Variants in COBL observed in about 807,000 individuals in gnomAD.
COBL encodes cordon-bleu WH2 repeat protein.
In COBL, 51 loss-of-function variants were observed where a neutral mutation model predicts 98.8. The observed-to-expected ratio is 0.52, with a 90% CI of 0.41 to 0.65. The LOEUF (loss-of-function observed/expected upper bound fraction) is 0.65. COBL is among the 30% of genes least tolerant of loss of function. The pLI is 0.00. For missense variants in COBL, 1,617 were observed against 1,617.5 expected (o/e 1.00, Z 0.01); for synonymous variants, 634 against 651.7 (o/e 0.97, Z 0.41).
At chr7:51,217,340 C>CTTTTTTTTT (rs937958755) in intron 2 of COBL, among the ~76,000 whole-genome samples, 4 of 127,728 alleles carry the variant, frequency 3.1e-5, no homozygotes, top group African/African-American at 9.1e-5. Context: ...TTTTCTTTTT[C>CTTTTTTTTT]TTTTTTTTTT....
At chr7:51,129,242 T>G (rs1300860933) in intron 6 of COBL, among the ~76,000 whole-genome samples, 1 of 151,902 alleles carries the variant, frequency 6.6e-6, no homozygotes, top group African/African-American at 2.4e-5. Flanking sequence ...AAGATCATGG[T>G]GTGGACAGAC....
In COBL at chr7:51,136,282, G is replaced by C. The variant is rs780937117; in HGVS notation, c.833C>G (p.Thr278Arg). The change falls in exon 6 of 13, where the codon ACG becomes AGG. Residue 278 changes from threonine to arginine, a missense_variant. By Grantham distance (71) the Thr-to-Arg change is moderately conservative. Around this residue, in one of 3 missense-constraint regions of COBL, gnomAD observed 1,304 missense variants for 1,282.0 expected, o/e 1.02. Transcript: ENST00000265136. ...NSPSMHSRSL[T>R]LGPSLSLGSI... ...GCCCAGCGAGAGGGATGGACCCAGCGTAAGAGAACGTGAGTGCATGGATGG... is the reference window on the plus strand; with the variant it reads ...GCCCAGCGAGAGGGATGGACCCAGCCTAAGAGAACGTGAGTGCATGGATGG... 4 of 1,614,104 alleles carry C rather than the reference G, an allele frequency of 2.5e-6. No individual in the cohort carries two copies. Among genetic ancestry groups the C allele is most frequent in the Non-Finnish European group, 2.5e-6 (3 of 1,180,024 alleles).
intron 1 of COBL, among the ~76,000 whole-genome samples, chr7:51,269,297 TAAG>T (rs1798535159): frequency 6.6e-6 from 1 of 152,184 alleles, no homozygotes; most frequent in African/African-American, 2.4e-5. Flanking sequence ...CCTGGCTGAA[TAAG>T]CCAGGATGCA....
At chr7:51,137,755 C>T (rs1799377331) in intron 5 of COBL, among the ~76,000 whole-genome samples, 1 of 152,126 alleles carries the variant, frequency 6.6e-6, no homozygotes, top group Middle Eastern at 3.2e-3. Flanking sequence ...ATCCCAGCTC[C>T]AAACAGTTCC....
rs777722549 is a variant in COBL, at chr7:51,029,499, G to A, written c.1597C>T (p.His533Tyr). Residue 533 changes from histidine (H) to tyrosine (Y), a missense_variant, in exon 10 of 13, where the codon CAC (histidine) becomes TAC (tyrosine). His to Tyr is a moderately conservative substitution (Grantham distance 83). This residue lies in a region of COBL where 1,304 missense variants were observed against 1,282.0 expected (regional missense o/e 1.02). Transcript: ENST00000265136. Reference protein sequence around the residue: ...NHCPQDAMIPHGDTDAIPVTF... With the variant: ...NHCPQDAMIPYGDTDAIPVTF... ...ACTGGGATTGCATCTGTGTCGCCGTGAGGGATCATGGCATCCTGTGGGCAG... is the reference window on the plus strand; with the variant it reads ...ACTGGGATTGCATCTGTGTCGCCGTAAGGGATCATGGCATCCTGTGGGCAG... 22 of 1,614,020 alleles carry A rather than the reference G, an allele frequency of 1.4e-5. No individual in the cohort carries two copies. The highest frequency in any genetic ancestry group is 2.2e-5 in the East Asian group (1 of 44,892).
At position 51,059,524 on chromosome 7, in the gene COBL, G is replaced by A. The variant is rs550335470; in HGVS notation, c.1097-15832C>T. ...AGAAACTGCAATCTTAAGGCTTTGGGGAACTTTCCCAGGAATGGGAGAGAA... is the reference window on the plus strand; with the variant it reads ...AGAAACTGCAATCTTAAGGCTTTGGAGAACTTTCCCAGGAATGGGAGAGAA... On this transcript the variant is annotated intron_variant, in intron 7 of 12. Coordinates refer to ENST00000265136, the MANE Select transcript of COBL (RefSeq NM_015198.5). 1.1e-4 allele frequency among the ~76,000 whole-genome samples: 17 copies of A among 152,196 alleles called. No homozygotes were observed. In the South Asian group the frequency reaches 3.5e-3, roughly 32 times the overall value.
chr7:51,045,646 A>G (rs1004587903), intron 7 of COBL, among the ~76,000 whole-genome samples: 1 of 152,320 alleles, frequency 6.6e-6, no homozygotes, highest in African/African-American at 2.4e-5. Context: ...GGCCCCTTGG[A>G]GGAGGCCCTC....
chr7:51,106,136 G>GGA (rs1796243806), intron 6 of COBL, among the ~76,000 whole-genome samples: 1 of 149,822 alleles, frequency 6.7e-6, no homozygotes, highest in African/African-American at 2.5e-5. Flanking sequence ...CCAGGGTGGT[G>GGA]GAGGTTGCAG....
chr7:51,107,171 T>C (rs1239349080), intron 6 of COBL, among the ~76,000 whole-genome samples: 3 of 144,624 alleles, frequency 2.1e-5, no homozygotes, highest in African/African-American at 7.6e-5. Flanking sequence ...CTTGGCTCAC[T>C]GCAACCTCCA....
At chr7:51,149,272 T>C (rs958014781) in intron 5 of COBL, among the ~76,000 whole-genome samples, 4 of 152,184 alleles carry the variant, frequency 2.6e-5, no homozygotes, top group Admixed American at 2.6e-4. Flanking sequence ...TCACTTCTCC[T>C]GAAAGGACAG....
At chr7:51,209,207 G>A (rs78030828) in intron 2 of COBL, among the ~76,000 whole-genome samples, 4,732 of 152,148 alleles carry the variant, frequency 0.031, 212 homozygotes, top group South Asian at 0.15. Flanking sequence ...AATCCCTAAA[G>A]TGCCCTCTTT....
intron 1 of COBL, among the ~76,000 whole-genome samples, chr7:51,249,547 A>C (rs1279784344): frequency 6.6e-6 from 1 of 152,214 alleles, no homozygotes; most frequent in African/African-American, 2.4e-5. Context: ...TATTAACATA[A>C]TAAATTTTGT....
chr7:51,024,350 T>C (rs1331305565), intron 12 of COBL, among the ~76,000 whole-genome samples: 1 of 151,974 alleles, frequency 6.6e-6, no homozygotes, highest in African/African-American at 2.4e-5. Context: ...TAAAATAAAA[T>C]AAAATCTTTT....
intron 1 of COBL, among the ~76,000 whole-genome samples, chr7:51,248,492 C>T (rs1339884698): frequency 2.0e-5 from 3 of 152,136 alleles, no homozygotes; most frequent in Non-Finnish European, 4.4e-5. Flanking sequence ...TGTTATTCAA[C>T]CTCACATTCA....
intron 1 of COBL, among the ~76,000 whole-genome samples, chr7:51,298,985 T>A (rs1443058324): frequency 6.6e-6 from 1 of 152,168 alleles, no homozygotes; most frequent in Non-Finnish European, 1.5e-5. Context: ...CAATCAATCT[T>A]CATGGAGTCA....
intron 7 of COBL, among the ~76,000 whole-genome samples, chr7:51,080,370 C>T (rs1263614446): frequency 6.6e-6 from 1 of 152,204 alleles, no homozygotes; most frequent in African/African-American, 2.4e-5. Flanking sequence ...AGTATACCAT[C>T]TGCTGTAGCA....
At chr7:51,282,241 G>A (rs535047065) in intron 1 of COBL, among the ~76,000 whole-genome samples, 6 of 152,126 alleles carry the variant, frequency 3.9e-5, no homozygotes, top group East Asian at 1.9e-4. Flanking sequence ...TTGATGTAAC[G>A]TAATAGTTTA....
At position 51,025,347 on chromosome 7, in the gene COBL, A is replaced by G. The variant is rs767073730; in HGVS notation, c.3530T>C (p.Leu1177Pro). 1.1e-5 allele frequency: 17 copies of G among 1,613,350 alleles called. No homozygotes were observed. The highest frequency in any genetic ancestry group is 5.5e-5 in the South Asian group (5 of 91,074). ...RKVASSASEE[L>P]QSFRDAALSA... ...GAGTGCGGCATCTCGGAAGCTCTGG[A>G]GCTCCTCAGAAGCAGAGGATGCCAC... The change falls in exon 12 of 13, where the codon CTC becomes CCC. Residue 1177 changes from leucine to proline, a missense_variant. Coordinates refer to ENST00000265136, the MANE Select transcript of COBL (RefSeq NM_015198.5).
chr7:51,075,782 A>T (rs1158268527), intron 7 of COBL, among the ~76,000 whole-genome samples: 2 of 152,182 alleles, frequency 1.3e-5, no homozygotes, highest in Non-Finnish European at 2.9e-5. Context: ...TTTTTTGAAA[A>T]GCTATATATA....
Sources: allele counts gnomAD v4.1 joint callset (sites outside exome capture counted in the v4.1 genomes callset), GRCh38; gene constraint gnomAD v4.1.1; regional missense constraint gnomAD v4.1.1; transcripts MANE v1.5; gene names NCBI Gene and HGNC (gene_info 2026-07-23, HGNC 2026-07-21).